KIAA1217: variants seen among roughly 807,000 people sequenced by gnomAD.
KIAA1217 encodes the protein sickle tail protein homolog.
In KIAA1217, 88 loss-of-function variants were observed where a neutral mutation model predicts 163.9. The observed-to-expected ratio is 0.54, with a 90% confidence interval of 0.45 to 0.64. The LOEUF is 0.64. KIAA1217 is among the 30% of genes least tolerant of loss of function. The probability of loss-of-function intolerance (pLI) is 0.00; values close to 1 mark genes in which losing one functional copy is unlikely to be tolerated. For missense variants in KIAA1217, 2,372 were observed against 2,475.0 expected (o/e 0.96, Z 0.88); for synonymous variants, 903 against 923.1 (o/e 0.98, Z 0.39).
At chr10:23,916,714 CT>C (rs1842643935) in intron 1 of KIAA1217, among the ~76,000 whole-genome samples, 1 of 152,120 alleles carries the variant, frequency 6.6e-6, no homozygotes. Context: ...TGGCTAGTGT[CT>C]ATAATCTCAG....
intron 1 of KIAA1217, among the ~76,000 whole-genome samples, chr10:23,790,104 C>A (rs1325033801): frequency 1.1e-5 from 1 of 90,466 alleles, no homozygotes; most frequent in African/African-American, 5.2e-5. Flanking sequence ...TACACATATA[C>A]ACATATGCAT....
At chr10:24,051,710 T>C (rs183573834) in intron 2 of KIAA1217, among the ~76,000 whole-genome samples, 119 of 152,272 alleles carry the variant, frequency 7.8e-4, no homozygotes, top group Admixed American at 1.4e-3. Flanking sequence ...GATAGTGATG[T>C]TGAACATTTT....
rs113639674 is a variant in KIAA1217 at position 23,822,176 on chromosome 10, A to G, written c.-321+126942A>G. 5.1e-3 allele frequency among the ~76,000 whole-genome samples: 783 copies of G among 152,102 alleles called. 11 individuals are homozygous for G. The highest frequency in any genetic ancestry group is 0.017 in the African/African-American group (709 of 41,504). On this transcript the variant is annotated intron_variant, in intron 1 of 18. Transcript: ENST00000376462. ...TGTCAGGAAAGACTCACCCTAACTCATCTCTTTAGTTTGTAACAGACTCCA... is the reference window on the plus strand; with the variant it reads ...TGTCAGGAAAGACTCACCCTAACTCGTCTCTTTAGTTTGTAACAGACTCCA...
chr10:24,364,390 T>C (rs2050472940), intron 2 of KIAA1217, among the ~76,000 whole-genome samples: 1 of 152,208 alleles, frequency 6.6e-6, no homozygotes, highest in South Asian at 2.1e-4. Flanking sequence ...CCTAATAAAA[T>C]CCAGTTTTCT....
chr10:24,473,809 C>G lies in KIAA1217; in HGVS notation c.1428C>G (p.His476Gln). Reference protein sequence around the residue: ...LGSKTPPASPHRVSDLRMIDM... With the variant: ...LGSKTPPASPQRVSDLRMIDM... ...CCAAAACACCCCCTGCCTCTCCTCA[C>G]AGAGTCAGTGACCTGAGGATGATAG... The change falls in exon 6 of 21, where the codon CAC (histidine) becomes CAG (glutamine). Residue 476 changes from histidine to glutamine, a missense_variant. Around this residue, in one of 3 missense-constraint regions of KIAA1217, gnomAD observed 1,431 missense variants for 1,470.3 expected, o/e 0.97. Coordinates refer to ENST00000376454, the MANE Select transcript of KIAA1217 (RefSeq NM_019590.5). 1 of 1,614,164 alleles carries G rather than the reference C, an allele frequency of 6.2e-7. No homozygotes were observed. Among genetic ancestry groups the G allele is most frequent in the Non-Finnish European group, 8.5e-7 (1 of 1,180,012 alleles).
intron 3 of KIAA1217, among the ~76,000 whole-genome samples, chr10:24,409,368 C>T (rs903443526): frequency 6.6e-6 from 1 of 152,158 alleles, no homozygotes; most frequent in Non-Finnish European, 1.5e-5. Flanking sequence ...AGAGTATATA[C>T]TGTCTGATTT....
intron 2 of KIAA1217, among the ~76,000 whole-genome samples, chr10:24,232,442 G>C (rs886131441): frequency 4.6e-5 from 7 of 152,130 alleles, no homozygotes; most frequent in Non-Finnish European, 7.4e-5. Flanking sequence ...AGCTCTGCAA[G>C]AAATCAAAAT....
At chr10:23,900,791 A>G (rs1008286013) in intron 1 of KIAA1217, among the ~76,000 whole-genome samples, 1 of 152,084 alleles carries the variant, frequency 6.6e-6, no homozygotes, top group Non-Finnish European at 1.5e-5. Flanking sequence ...AGTTAAAGAA[A>G]GACTTGATTT....
chr10:24,116,570 G>A (rs1167723022), intron 2 of KIAA1217, among the ~76,000 whole-genome samples: 1 of 152,020 alleles, frequency 6.6e-6, no homozygotes, highest in African/African-American at 2.4e-5. Flanking sequence ...ACAAATATAG[G>A]CAATGGGCCT....
intron 1 of KIAA1217, among the ~76,000 whole-genome samples, chr10:23,956,368 G>A (rs963275329): frequency 9.9e-5 from 15 of 151,988 alleles, no homozygotes; most frequent in Admixed American, 9.2e-4. Flanking sequence ...GGAATTGCTA[G>A]CTGTCCTTGG....
At chr10:24,510,080 A>T (rs967642088) in intron 9 of KIAA1217, among the ~76,000 whole-genome samples, 17 of 152,146 alleles carry the variant, frequency 1.1e-4, no homozygotes, top group Admixed American at 1.0e-3. Flanking sequence ...CATGTGCCAC[A>T]CGCTGCTTGT....
At chr10:24,262,083 CA>C (rs975028846) in intron 2 of KIAA1217, among the ~76,000 whole-genome samples, 6 of 151,426 alleles carry the variant, frequency 4.0e-5, no homozygotes, top group Non-Finnish European at 8.8e-5. Flanking sequence ...CCAACAAAAA[CA>C]AAAAAAGGAA....
chr10:24,212,656 G>A (rs2068285850), intron 1 of KIAA1217, among the ~76,000 whole-genome samples: 1 of 152,198 alleles, frequency 6.6e-6, no homozygotes, highest in South Asian at 2.1e-4. Flanking sequence ...TTCTCCCGGT[G>A]AGCACGAGTG....
At chr10:23,755,755 G>A (rs753070171) in intron 1 of KIAA1217, among the ~76,000 whole-genome samples, 1 of 152,120 alleles carries the variant, frequency 6.6e-6, no homozygotes, top group Non-Finnish European at 1.5e-5. Context: ...TGCTGAACAG[G>A]TTGCGAGCTA....
At chr10:23,742,606 G>A (rs1405169401) in intron 1 of KIAA1217, among the ~76,000 whole-genome samples, 1 of 152,138 alleles carries the variant, frequency 6.6e-6, no homozygotes, top group African/African-American at 2.4e-5. Context: ...CACTTTTAAA[G>A]CAGTCACATC....
chr10:24,219,830 C>A lies in KIAA1217; in HGVS notation c.275C>A (p.Ala92Glu). 6.2e-7 allele frequency: 1 copy of A among 1,613,812 alleles called. No homozygotes were observed. The highest frequency in any genetic ancestry group is 8.5e-7 in the Non-Finnish European group (1 of 1,179,834). ...QTSEMDRKRE[A>E]FLEHLKQKYP... Reference sequence around the variant, plus strand: ...TCTGAGATGGATCGGAAGAGAGAAGCGTTCCTAGAACATCTGAAGCAGAAG... The same window carrying A: ...TCTGAGATGGATCGGAAGAGAGAAGAGTTCCTAGAACATCTGAAGCAGAAG... The change falls in exon 2 of 21, where the codon GCG becomes GAG. Residue 92 changes from alanine (A) to glutamate (E), a missense_variant. By Grantham distance (107) the Ala-to-Glu change is moderately radical. Around this residue, in one of 3 missense-constraint regions of KIAA1217, gnomAD observed 1,431 missense variants for 1,470.3 expected, o/e 0.97. Transcript: ENST00000376454.
chr10:24,010,232 A>T (rs1847181042), intron 2 of KIAA1217, among the ~76,000 whole-genome samples: 1 of 152,076 alleles, frequency 6.6e-6, no homozygotes. Flanking sequence ...CAATGATTAC[A>T]GTCAATAAAG....
chr10:23,954,558 C>G (rs1844475492), intron 1 of KIAA1217, among the ~76,000 whole-genome samples: 1 of 149,608 alleles, frequency 6.7e-6, no homozygotes, highest in Non-Finnish European at 1.5e-5. Flanking sequence ...GAAAGAGATT[C>G]TGTCTCAAAA....
intron 2 of KIAA1217, among the ~76,000 whole-genome samples, chr10:24,046,899 C>T (rs188588509): frequency 6.6e-6 from 1 of 152,310 alleles, no homozygotes; most frequent in Non-Finnish European, 1.5e-5. Context: ...AAGCAATTCA[C>T]TCATCAGATA....
Sources: gnomAD v4.1 joint callset for allele counts (sites outside exome capture counted in the v4.1 genomes callset) on GRCh38, gnomAD v4.1.1 for gene constraint, gnomAD v4.1.1 regional missense constraint, MANE v1.5 for transcripts, NCBI Gene and HGNC (gene_info 2026-07-23, HGNC 2026-07-21) for gene names.